LRCH2: variants seen among roughly 807,000 people sequenced by gnomAD.
The protein encoded by LRCH2 is leucine-rich repeat and calponin homology domain-containing protein 2.
LRCH2 carries 38 observed loss-of-function variants against 68.9 expected under a neutral mutation model. The ratio of observed to expected loss-of-function variants is 0.55; its 90% CI spans 0.43 to 0.72. The LOEUF is 0.72. Ranked by LOEUF, LRCH2 falls within the 30% of genes least tolerant of loss-of-function variation. The probability of loss-of-function intolerance (pLI) is 0.00; values close to 1 mark genes in which losing one functional copy is unlikely to be tolerated. For synonymous variants in LRCH2, 191 were observed against 208.1 expected (o/e 0.92, Z 0.71); for missense variants, 528 against 572.9 (o/e 0.92, Z 0.80).
chrX:115,184,706 C>T (rs1744334676), intron 2 of LRCH2, among the ~76,000 whole-genome samples, 169 bp from the exon 3 acceptor site: 1 of 112,300 alleles, frequency 8.9e-6, no homozygotes, highest in Non-Finnish European at 1.9e-5. Flanking sequence ...TTCTTATATG[C>T]ACTGTCTCAT....
At chrX:115,203,564 T>A (rs967762305) in intron 1 of LRCH2, among the ~76,000 whole-genome samples, 22 of 112,486 alleles carry the variant, frequency 2.0e-4, no homozygotes, top group African/African-American at 6.8e-4. Flanking sequence ...ATTGTGTAAA[T>A]ACACACGTTC....
At chrX:115,223,959 A>C (rs781785178) in intron 1 of LRCH2, among the ~76,000 whole-genome samples, 1 of 110,530 alleles carries the variant, frequency 9.0e-6, no homozygotes, top group Non-Finnish European at 1.9e-5. Flanking sequence ...GAAGGAAAGA[A>C]ATACTGCCTC....
chrX:115,220,873 T>C (rs1361224956), intron 1 of LRCH2, among the ~76,000 whole-genome samples: 4 of 110,331 alleles, frequency 3.6e-5, no homozygotes, highest in Non-Finnish European at 7.6e-5. Flanking sequence ...TAAAAACATA[T>C]CTAGCGGCAT....
intron 1 of LRCH2, among the ~76,000 whole-genome samples, chrX:115,220,697 C>T (rs185254859): frequency 2.5e-3 from 280 of 111,153 alleles, no homozygotes; most frequent in African/African-American, 8.2e-3. Flanking sequence ...CATCTACAAA[C>T]GTGATTTTCA....
At chrX:115,178,500 T>C (rs2072667486) in intron 5 of LRCH2, among the ~76,000 whole-genome samples, 1 of 111,319 alleles carries the variant, frequency 9.0e-6, no homozygotes, top group Non-Finnish European at 1.9e-5. Context: ...CAAACCATCA[T>C]GTTTTCAGTA....
chrX:115,195,152 C>T (rs1223129884), intron 1 of LRCH2, among the ~76,000 whole-genome samples: 1 of 109,853 alleles, frequency 9.1e-6, no homozygotes, highest in African/African-American at 3.3e-5. Context: ...GACGTGGTGG[C>T]GCACGCCTGT....
intron 5 of LRCH2, among the ~76,000 whole-genome samples, chrX:115,173,555 T>C (rs1052991399): frequency 8.9e-6 from 1 of 111,775 alleles, no homozygotes; most frequent in South Asian, 3.7e-4. Flanking sequence ...CTGAACTTTT[T>C]ACTGAAGCTA....
At chrX:115,202,856 G>A (rs2072939684) in intron 1 of LRCH2, among the ~76,000 whole-genome samples, 1 of 111,937 alleles carries the variant, frequency 8.9e-6, no homozygotes, top group Admixed American at 9.5e-5. Context: ...AAGCCAGTCT[G>A]AAATGTCTAC....
At chrX:115,193,639 T>C (rs188392874) in intron 1 of LRCH2, among the ~76,000 whole-genome samples, 45 of 112,008 alleles carry the variant, frequency 4.0e-4, no homozygotes, top group African/African-American at 1.4e-3. Flanking sequence ...TAGGACATTA[T>C]AGCAGTGGGT....
At chrX:115,196,310 T>C (rs1243747194) in intron 1 of LRCH2, among the ~76,000 whole-genome samples, 2 of 110,717 alleles carry the variant, frequency 1.8e-5, no homozygotes, top group Non-Finnish European at 3.8e-5. Flanking sequence ...AGTGGTCTCA[T>C]CCTCCCTGGC....
rs916253235 is a variant in LRCH2 at position 115,112,562 on chromosome X, T to C, written c.*654A>G. 1.8e-5 allele frequency: 2 copies of C among 111,706 alleles called. No homozygotes were observed. Among genetic ancestry groups the C allele is most frequent in the Non-Finnish European group, 3.8e-5 (2 of 52,872 alleles). 9.2% of individuals were successfully genotyped at this position (111,706 alleles called of 1,213,427 possible). On this transcript the variant is annotated 3_prime_UTR_variant, in exon 21 of 21. Coordinates refer to ENST00000317135, the MANE Select transcript of LRCH2 (RefSeq NM_020871.4). ...TCTACTAAAATATTTTAAAGTTCCATTGACTCTATTAATACATTTAAAAAA... is the reference window on the plus strand; with the variant it reads ...TCTACTAAAATATTTTAAAGTTCCACTGACTCTATTAATACATTTAAAAAA...
chrX:115,122,430 G>A (rs781903545), intron 20 of LRCH2, 97 bp downstream of exon 20: 1 of 662,160 alleles, frequency 1.5e-6, no homozygotes, highest in African/African-American at 2.2e-5. Flanking sequence ...TCATTTTCAT[G>A]TTCAGAAAGC....
At chrX:115,134,964 T>G (rs186821763) in intron 14 of LRCH2, among the ~76,000 whole-genome samples, 52 of 109,740 alleles carry the variant, frequency 4.7e-4, no homozygotes, top group Non-Finnish European at 9.1e-4. Flanking sequence ...TGAGAGGAGG[T>G]CAAAATGTCA....
chrX:115,191,950 G>C, intron 1 of LRCH2: 3 of 1,165,611 alleles, frequency 2.6e-6, no homozygotes, highest in Non-Finnish European at 3.4e-6. Context: ...CTCACCCAAC[G>C]CCTACAGTGG....
intron 14 of LRCH2, among the ~76,000 whole-genome samples, chrX:115,144,615 A>C (rs2072367045): frequency 8.9e-6 from 1 of 111,881 alleles, no homozygotes. Flanking sequence ...CAGGATACAA[A>C]ATCAACATAC....
At position 115,170,337 on chromosome X, in the gene LRCH2, T is replaced by C; in HGVS notation, c.960A>G (p.Ser320=). ...DKKPDSLDLP[S]LSKRMPSQPL... Reference sequence around the variant, plus strand: ...GCTGTGAGGGCATTCGTTTACTCAATGATGGAAGATCCAGGGAATCTGGTT... The same window carrying C: ...GCTGTGAGGGCATTCGTTTACTCAACGATGGAAGATCCAGGGAATCTGGTT... Residue 320 remains serine, a synonymous_variant, in exon 6 of 21, where the codon TCA becomes TCG. Transcript: ENST00000317135. 1.7e-6 allele frequency: 2 copies of C among 1,181,567 alleles called. No individual in the cohort carries two copies. The highest frequency in any genetic ancestry group is 1.8e-5 in the African/African-American group (1 of 57,052).
intron 1 of LRCH2, among the ~76,000 whole-genome samples, chrX:115,198,099 G>T (rs1344406220): frequency 4.8e-5 from 5 of 104,593 alleles, no homozygotes; most frequent in African/African-American, 1.8e-4. Context: ...TAAGTTCTGG[G>T]ATCCACATGC....
At chrX:115,226,187 TATTCAC>T (rs2073117961) in intron 1 of LRCH2, among the ~76,000 whole-genome samples, 1 of 111,657 alleles carries the variant, frequency 9.0e-6, no homozygotes, top group Non-Finnish European at 1.9e-5. Flanking sequence ...AAAGATGGTA[TATTCAC>T]ATGATGCAAG....
chrX:115,175,464 C>T (rs2072639780), intron 5 of LRCH2, among the ~76,000 whole-genome samples: 1 of 111,646 alleles, frequency 9.0e-6, no homozygotes, highest in Non-Finnish European at 1.9e-5. Flanking sequence ...ACAACAGAGA[C>T]ACCAAGAAAA....
Sources: gnomAD v4.1 joint callset for allele counts (sites outside exome capture counted in the v4.1 genomes callset) on GRCh38, gnomAD v4.1.1 for gene constraint, MANE v1.5 for transcripts, NCBI Gene and HGNC (gene_info 2026-07-23, HGNC 2026-07-21) for gene names.